Variants in RPS6KC1 observed in about 807,000 individuals in gnomAD.
RPS6KC1 encodes ribosomal protein S6 kinase C1.
A neutral mutation model predicts 103.8 loss-of-function variants in RPS6KC1; 54 were observed. The ratio of observed to expected loss-of-function variants is 0.52; its 90% CI spans 0.42 to 0.65. RPS6KC1 has a LOEUF of 0.65. RPS6KC1 is among the 30% of genes least tolerant of loss of function. RPS6KC1 has a pLI of 0.00. For synonymous variants in RPS6KC1, 439 were observed against 438.7 expected, an observed-to-expected ratio of 1.00 and a Z score of -0.01; for missense variants, 1,151 against 1,253.8, an observed-to-expected ratio of 0.92 and a Z score of 1.24.
chr1:213,786,193 T>C, the RPS6KC1 span, among the ~76,000 whole-genome samples: 1 of 152,142 alleles, frequency 6.6e-6, no homozygotes, highest in Admixed American at 6.6e-5. Flanking sequence ...TGGCGGGAGA[T>C]GAGCAGGACT....
In RPS6KC1 at chr1:213,081,035, A is replaced by T. The variant is rs148390016; in HGVS notation, c.262+3219A>T. On this transcript the variant is annotated intron_variant, in intron 3 of 14. Coordinates refer to ENST00000366960, the MANE Select transcript of RPS6KC1 (RefSeq NM_012424.6). ...TATACTACATCAGGGAATTGAAATCATGCCACATTTTAGTTTGCTAAATAT... is the reference window on the plus strand; with the variant it reads ...TATACTACATCAGGGAATTGAAATCTTGCCACATTTTAGTTTGCTAAATAT... Among the ~76,000 whole-genome samples the T allele has an allele frequency of 3.8e-3, 586 of 152,360 alleles. 4 individuals carry two copies. Among genetic ancestry groups the T allele is most frequent in the African/African-American group, 0.014 (568 of 41,592 alleles).
chr1:213,370,977 A>G, the RPS6KC1 span, among the ~76,000 whole-genome samples: 1 of 152,222 alleles, frequency 6.6e-6, no homozygotes. Context: ...TACACATAAC[A>G]TTGATCTCTT....
chr1:213,697,231 T>A, the RPS6KC1 span, among the ~76,000 whole-genome samples: 1 of 152,212 alleles, frequency 6.6e-6, no homozygotes, highest in Non-Finnish European at 1.5e-5. Context: ...TGTGTTCAAC[T>A]GTCTGTAAGC....
At chr1:213,845,504 CA>C in the RPS6KC1 span, among the ~76,000 whole-genome samples, 1 of 152,204 alleles carries the variant, frequency 6.6e-6, no homozygotes, top group Non-Finnish European at 1.5e-5. Flanking sequence ...ATGCTGCTAT[CA>C]TTTGTCATTG....
intron 8 of RPS6KC1, among the ~76,000 whole-genome samples, chr1:213,188,108 CT>C (rs1392858777): frequency 6.6e-6 from 1 of 152,150 alleles, no homozygotes; most frequent in Non-Finnish European, 1.5e-5. Context: ...GCAGAGCAGA[CT>C]TTCCAGGGTT....
the RPS6KC1 span, among the ~76,000 whole-genome samples, chr1:213,296,909 G>A: frequency 1.3e-5 from 2 of 152,182 alleles, no homozygotes; most frequent in Non-Finnish European, 2.9e-5. Context: ...AGTCACTAGT[G>A]TGATGAGTAA....
chr1:213,420,207 G>C, the RPS6KC1 span, among the ~76,000 whole-genome samples: 6 of 152,196 alleles, frequency 3.9e-5, no homozygotes, highest in Non-Finnish European at 8.8e-5. Context: ...TGTTTAAGCT[G>C]GGCAGCTCGG....
chr1:213,598,197 T>C, the RPS6KC1 span, among the ~76,000 whole-genome samples: 1 of 152,236 alleles, frequency 6.6e-6, no homozygotes, highest in Non-Finnish European at 1.5e-5. Context: ...TCCTCTTTTG[T>C]ATTTTCTAGA....
At chr1:213,354,695 G>C in the RPS6KC1 span, among the ~76,000 whole-genome samples, 2,217 of 152,206 alleles carry the variant, frequency 0.015, 51 homozygotes, top group African/African-American at 0.05. Flanking sequence ...CCTAGCTCAG[G>C]TCTCTCTCCC....
chr1:213,279,833 A>T, the RPS6KC1 span, among the ~76,000 whole-genome samples: 7 of 152,358 alleles, frequency 4.6e-5, no homozygotes, highest in African/African-American at 4.8e-5. Flanking sequence ...CAGGTCATCA[A>T]CGTTAGGATT....
At chr1:213,610,707 C>G in the RPS6KC1 span, among the ~76,000 whole-genome samples, 4 of 152,208 alleles carry the variant, frequency 2.6e-5, no homozygotes, top group Non-Finnish European at 5.9e-5. Context: ...TTCCCTCATC[C>G]TGGATGGCAG....
chr1:213,148,269 G>A (rs2088127821), intron 6 of RPS6KC1, among the ~76,000 whole-genome samples: 1 of 152,172 alleles, frequency 6.6e-6, no homozygotes, highest in Non-Finnish European at 1.5e-5. Context: ...TGATCTAAGA[G>A]GAAAGGCTTC....
the RPS6KC1 span, among the ~76,000 whole-genome samples, chr1:213,827,340 A>G: frequency 6.6e-6 from 1 of 152,178 alleles, no homozygotes. Context: ...CTTGCCTGCA[A>G]CAACCTTAAC....
At chr1:213,605,707 G>T in the RPS6KC1 span, among the ~76,000 whole-genome samples, 1 of 152,170 alleles carries the variant, frequency 6.6e-6, no homozygotes, top group African/African-American at 2.4e-5. Flanking sequence ...CTCATGGAAA[G>T]GCAATTTCCC....
chr1:213,154,564 A>T lies in RPS6KC1; in HGVS notation c.836-13294A>T, dbSNP rs578014940. 5.9e-5 allele frequency among the ~76,000 whole-genome samples: 9 copies of T among 152,314 alleles called. No individual in the cohort carries two copies. The South Asian group carries it at 1.9e-3, about 32-fold the overall frequency. ...CAGACCATAGGACTACTGCCAGAAT[A>T]CTGCTGGCATTCTCTTAAGTCCCAG... is the stretch of plus-strand genomic sequence containing the variant. On this transcript the variant is annotated intron_variant, in intron 6 of 14. Transcript: ENST00000366960.
chr1:213,676,453 G>A, the RPS6KC1 span, among the ~76,000 whole-genome samples: 4 of 152,216 alleles, frequency 2.6e-5, no homozygotes, highest in Non-Finnish European at 5.9e-5. Flanking sequence ...AACTGCATAC[G>A]TGGGAGGAGA....
At chr1:213,861,754 T>C in the RPS6KC1 span, among the ~76,000 whole-genome samples, 1 of 152,210 alleles carries the variant, frequency 6.6e-6, no homozygotes, top group Non-Finnish European at 1.5e-5. Context: ...TAACAGAAGA[T>C]GCACGGAGTT....
chr1:213,297,259 A>T, the RPS6KC1 span, among the ~76,000 whole-genome samples: 2 of 152,200 alleles, frequency 1.3e-5, no homozygotes, highest in East Asian at 3.9e-4. Context: ...CACTTAGATG[A>T]TGACTGAATA....
the RPS6KC1 span, among the ~76,000 whole-genome samples, chr1:213,678,290 G>A: frequency 6.6e-6 from 1 of 152,232 alleles, no homozygotes; most frequent in Non-Finnish European, 1.5e-5. Flanking sequence ...GAAGCTTGCA[G>A]ACACACTAGC....
Sources: gnomAD v4.1 joint callset for allele counts (sites outside exome capture counted in the v4.1 genomes callset) on GRCh38, gnomAD v4.1.1 for gene constraint, MANE v1.5 for transcripts, NCBI Gene and HGNC (gene_info 2026-07-23, HGNC 2026-07-21) for gene names.